Variants in DNA2 observed in about 807,000 individuals in gnomAD.
DNA2 encodes DNA replication helicase/nuclease 2, also known as DNA replication ATP-dependent helicase/nuclease DNA2.
Under a neutral mutation model 119.1 loss-of-function variants are expected in DNA2, and 101 were observed. The ratio of observed to expected loss-of-function variants is 0.85; its 90% CI spans 0.72 to 1.00. DNA2 has a LOEUF of 1.00. DNA2 is among the 50% of genes least tolerant of loss of function. DNA2 has a pLI of 0.00. For synonymous variants in DNA2, 366 were observed against 424.4 expected, an observed-to-expected ratio of 0.86 and a Z score of 1.69; for missense variants, 1,121 against 1,255.5, an observed-to-expected ratio of 0.89 and a Z score of 1.62.
chr10:68,430,733 A>C, intron 13 of DNA2, 73 bp from the exon 14 acceptor site: 1 of 1,182,408 alleles, frequency 8.5e-7, no homozygotes, highest in Non-Finnish European at 1.2e-6. Flanking sequence ...CATGTTTATA[A>C]ACTTAACAAG....
At chr10:68,435,408 C>T (rs772350304) in intron 10 of DNA2, among the ~76,000 whole-genome samples, 4 of 151,730 alleles carry the variant, frequency 2.6e-5, no homozygotes, top group Non-Finnish European at 5.9e-5. Context: ...CGTGGTGGCT[C>T]ACAAGGTCCA....
chr10:68,471,755 C>G, intron 1 of DNA2, 36 bp downstream of exon 1: 2 of 1,543,432 alleles, frequency 1.3e-6, no homozygotes, highest in East Asian at 2.3e-5. Context: ...TCAAATCTCC[C>G]GCTTTGTTCC....
chr10:68,465,625 T>C (rs1022614465), intron 4 of DNA2, 42 bp downstream of exon 4: 2 of 1,415,976 alleles, frequency 1.4e-6, no homozygotes, highest in Admixed American at 2.3e-5. Flanking sequence ...ACAGAAGTTA[T>C]ATAATAAAAT....
At chr10:68,417,458 T>C (rs978057710) in intron 19 of DNA2, among the ~76,000 whole-genome samples, 2 of 134,204 alleles carry the variant, frequency 1.5e-5, no homozygotes, top group Non-Finnish European at 3.1e-5. Flanking sequence ...AGCTCGGGAG[T>C]TGCCCATAAG....
chr10:68,440,757 TTG>T (rs1278759584), intron 9 of DNA2, among the ~76,000 whole-genome samples: 1 of 152,250 alleles, frequency 6.6e-6, no homozygotes, highest in African/African-American at 2.4e-5. Flanking sequence ...CAATGTTTCC[TTG>T]TGTTAAAGTC....
intron 3 of DNA2, among the ~76,000 whole-genome samples, 196 bp from the exon 4 acceptor site, chr10:68,466,008 T>G (rs1453714024): frequency 6.6e-6 from 1 of 152,158 alleles, no homozygotes; most frequent in African/African-American, 2.4e-5. Flanking sequence ...TCTGAATTAC[T>G]GTATGAGTTA....
intron 5 of DNA2, among the ~76,000 whole-genome samples, chr10:68,456,977 A>G (rs1316094945): frequency 6.6e-6 from 1 of 151,822 alleles, no homozygotes; most frequent in Non-Finnish European, 1.5e-5. Flanking sequence ...TACTAAAAAT[A>G]CAAAAAATTA....
intron 5 of DNA2, 84 bp from the exon 6 acceptor site, chr10:68,450,331 C>A (rs964611979): frequency 3.8e-6 from 4 of 1,057,104 alleles, no homozygotes; most frequent in Non-Finnish European, 4.1e-6. Flanking sequence ...CTATTACACA[C>A]AGAGAATGTG....
chr10:68,426,680 A>AT (rs1214696675), intron 14 of DNA2, among the ~76,000 whole-genome samples: 1 of 151,576 alleles, frequency 6.6e-6, no homozygotes, highest in African/African-American at 2.4e-5. Context: ...TACTAAAAAA[A>AT]TACAAAAAAT....
Position 68,430,646 on chromosome 10 carries a change from G to A in DNA2, c.1998C>T (p.Tyr666=), listed in dbSNP as rs758632207. 19 of 1,588,182 alleles carry A rather than the reference G, an allele frequency of 1.2e-5. No individual in the cohort carries two copies. The highest frequency in any genetic ancestry group is 1.1e-4 in the East Asian group (5 of 44,446). ...TCAACAAAACGCTAAAACCACAGGC[G>A]TAGAGAATTCTTACCTAATAATGGG... ...TTICTLVRIL[Y]ACGFSVLLTS... Residue 666 remains tyrosine, a synonymous_variant, in exon 14 of 21, where the codon TAC becomes TAT. Transcript: ENST00000358410.
chr10:68,414,772 C>A lies in DNA2; in HGVS notation c.*267G>T. 3.0e-6 allele frequency: 1 copy of A among 338,688 alleles called. No homozygotes were observed. The highest frequency in any genetic ancestry group is 5.5e-6 in the Non-Finnish European group (1 of 182,012). The allele number at this position is 338,688 out of a possible 1,614,324, so 21.0% of individuals were successfully genotyped here. A position where few individuals can be genotyped will look rare whatever the true frequency, so the allele number is the denominator to read the frequency against. On this transcript the variant is annotated 3_prime_UTR_variant, in exon 21 of 21. Transcript: ENST00000358410. ...ATGATATCTACAAAATCAAATTAGT[C>A]CTGAAATGTCTGACTTAAAAGTTTA... is the stretch of plus-strand genomic sequence containing the variant.
At chr10:68,459,615 G>A (rs962275054) in intron 4 of DNA2, among the ~76,000 whole-genome samples, 12 of 152,110 alleles carry the variant, frequency 7.9e-5, no homozygotes, top group East Asian at 5.8e-4. Context: ...AGAAGGGAGC[G>A]TTATTGTTTC....
At chr10:68,467,713 G>A (rs2052343788) in intron 3 of DNA2, among the ~76,000 whole-genome samples, 1 of 152,046 alleles carries the variant, frequency 6.6e-6, no homozygotes, top group Non-Finnish European at 1.5e-5. Flanking sequence ...ACCACACCTG[G>A]CTAATTTTTC....
At chr10:68,446,180 T>A in intron 7 of DNA2, 116 bp downstream of exon 7, 2 of 606,708 alleles carry the variant, frequency 3.3e-6, no homozygotes, top group Non-Finnish European at 5.7e-6. Flanking sequence ...AACCCACAGC[T>A]ACAAATTATA....
Position 68,468,200 on chromosome 10 carries a change from C to T in DNA2, c.364G>A (p.Asp122Asn). The change falls in exon 3 of 21, where the codon GAC (aspartate) becomes AAC (asparagine). Residue 122 changes from aspartate (D) to asparagine (N), a missense_variant. By Grantham distance (23) the Asp-to-Asn change is conservative. Coordinates refer to ENST00000358410, the MANE Select transcript of DNA2 (RefSeq NM_001080449.3). ...ATGCTGGTGCCAGAAATCAGCATGT[C>T]TGGATACAGAATCAAATATCCAAAA... Reference protein sequence around the residue: ...KDFGYLILYPDMLISGTSIAS... With the variant: ...KDFGYLILYPNMLISGTSIAS... The T allele has an allele frequency of 1.2e-6, 2 of 1,612,536 alleles. No homozygotes were observed. The highest frequency in any genetic ancestry group is 1.1e-5 in the South Asian group (1 of 90,530).
At chr10:68,470,310 A>C in intron 1 of DNA2, 147 bp from the exon 2 acceptor site, 1 of 674,688 alleles carries the variant, frequency 1.5e-6, no homozygotes, top group Non-Finnish European at 2.3e-6. Context: ...AAAATAGGTA[A>C]AATTAAGAGA....
chr10:68,414,399 A>T lies in DNA2; in HGVS notation c.*640T>A, dbSNP rs1334795842. ...TAGGAATCAACTTTTTAAATTTATT[A>T]TCAATTCAGAAAACAAAATTTGTTG... On this transcript the variant is annotated 3_prime_UTR_variant, in exon 21 of 21. Coordinates refer to ENST00000358410, the MANE Select transcript of DNA2 (RefSeq NM_001080449.3). 1 of 152,178 alleles carries T rather than the reference A, an allele frequency of 6.6e-6. No homozygotes were observed. Among genetic ancestry groups the T allele is most frequent in the African/African-American group, 2.4e-5 (1 of 41,446 alleles). 9.4% of individuals were successfully genotyped at this position (152,178 alleles called of 1,614,324 possible).
At chr10:68,432,030 A>C in intron 12 of DNA2, 59 bp from the exon 13 acceptor site, 3 of 1,367,622 alleles carry the variant, frequency 2.2e-6, no homozygotes, top group Non-Finnish European at 2.1e-6. Context: ...GGAAAAGTTA[A>C]TTATTTCATA....
intron 6 of DNA2, among the ~76,000 whole-genome samples, chr10:68,448,920 GCCA>G: frequency 6.7e-6 from 1 of 149,914 alleles, no homozygotes; most frequent in Non-Finnish European, 1.5e-5. Flanking sequence ...ACAGGCATGT[GCCA>G]CCACACCAGG....
Sources: gnomAD v4.1 joint callset for allele counts (sites outside exome capture counted in the v4.1 genomes callset) on GRCh38, gnomAD v4.1.1 for gene constraint, MANE v1.5 for transcripts, NCBI Gene and HGNC (gene_info 2026-07-23, HGNC 2026-07-21) for gene names.